The following PPARGC1B variants were observed in gnomAD, a reference collection of about 807,000 sequenced individuals.
The protein encoded by PPARGC1B is PPARG coactivator 1 beta.
Under a neutral mutation model 101.6 loss-of-function variants are expected in PPARGC1B, and 34 were observed. That is an observed-to-expected ratio of 0.33 (90% CI 0.25 to 0.45). The LOEUF is 0.45. Ranked by LOEUF, PPARGC1B falls within the 20% of genes least tolerant of loss-of-function variation. The pLI is 1.00. For synonymous variants in PPARGC1B, 548 were observed against 539.3 expected, an observed-to-expected ratio of 1.02 and a Z score of -0.22; for missense variants, 1,234 against 1,317.6, an observed-to-expected ratio of 0.94 and a Z score of 0.98.
Position 149,853,097 on chromosome 5 carries a change from C to T in PPARGC1B, c.*5539C>T, listed in dbSNP as rs1390659747. 4 of 152,154 alleles carry T rather than the reference C, an allele frequency of 2.6e-5. No homozygotes were observed. Among genetic ancestry groups the T allele is most frequent in the Non-Finnish European group, 5.9e-5 (4 of 68,028 alleles). 9.4% of individuals were successfully genotyped at this position (152,154 alleles called of 1,614,324 possible). On this transcript the variant is annotated 3_prime_UTR_variant, in exon 12 of 12. Coordinates refer to ENST00000309241, the MANE Select transcript of PPARGC1B (RefSeq NM_133263.4). The surrounding 1 kb of genome is among the most constrained non-coding windows in gnomAD (Gnocchi z 4.2). The stretch of plus-strand genomic sequence containing the variant: ...TCAAAGGAGTCTCCAAGGCGGCTTA[C>T]AAAAGCTTCCTTTTTCACTTGACCA...
intron 1 of PPARGC1B, among the ~76,000 whole-genome samples, chr5:149,756,232 C>T (rs888338426): frequency 6.6e-6 from 1 of 152,052 alleles, no homozygotes; most frequent in African/African-American, 2.4e-5. Flanking sequence ...GAGGCCGGGA[C>T]GGGTGGATCA....
chr5:149,828,908 C>T (rs1291574922), intron 3 of PPARGC1B, among the ~76,000 whole-genome samples: 2 of 151,048 alleles, frequency 1.3e-5, no homozygotes, highest in African/African-American at 4.9e-5. Context: ...TAAATTAGCC[C>T]GGTATGGTGG....
intron 9 of PPARGC1B, among the ~76,000 whole-genome samples, chr5:149,840,561 T>G (rs1357609548): frequency 6.6e-6 from 1 of 152,176 alleles, no homozygotes; most frequent in African/African-American, 2.4e-5. Flanking sequence ...GTTGGGCCTG[T>G]GCTTCCCAAG....
chr5:149,733,050 G>A (rs1050421584), intron 1 of PPARGC1B, among the ~76,000 whole-genome samples: 1 of 152,212 alleles, frequency 6.6e-6, no homozygotes, highest in African/African-American at 2.4e-5. Context: ...CATGTGAGAT[G>A]TTCTGGTTGT....
chr5:149,837,081 C>T lies in PPARGC1B; in HGVS notation c.2618+8C>T, dbSNP rs1206770379. 14 of 1,593,612 alleles carry T rather than the reference C, an allele frequency of 8.8e-6. No individual in the cohort carries two copies. The Admixed American group carries it at 1.2e-4, about 14-fold the overall frequency. On this transcript the variant is annotated splice_region_variant and intron_variant, in intron 8 of 11. Coordinates refer to ENST00000309241, the MANE Select transcript of PPARGC1B (RefSeq NM_133263.4). This position sits in a 1 kb window ranked among gnomAD's most constrained non-coding sequence, Gnocchi z 4.2. ...CACTCGAAGGAACTTCAGGTATGAA[C>T]AGGGGGCTGCAGGAGAGGCAGCGGG...
At chr5:149,855,819 T>C (rs980634191), downstream of PPARGC1B, among the ~76,000 whole-genome samples, 1 of 152,138 alleles carries the variant, frequency 6.6e-6, no homozygotes, top group Admixed American at 6.6e-5. Flanking sequence ...AAGAGAATTA[T>C]ATATAAACAA....
intron 1 of PPARGC1B, among the ~76,000 whole-genome samples, chr5:149,756,313 G>C (rs1755518684): frequency 6.6e-6 from 1 of 152,054 alleles, no homozygotes; most frequent in South Asian, 2.1e-4. Flanking sequence ...TTAGCCAGGT[G>C]TGGTGGCAGG....
intron 1 of PPARGC1B, among the ~76,000 whole-genome samples, chr5:149,770,670 CAAA>C (rs112574216): frequency 7.1e-6 from 1 of 141,454 alleles, no homozygotes; most frequent in African/African-American, 2.6e-5. Context: ...CTGTCTCTAC[CAAA>C]AAAAAAAAAA....
rs535917145 is a variant in PPARGC1B at position 149,813,768 on chromosome 5, C to T, written c.79-6665C>T. On this transcript the variant is annotated intron_variant, in intron 1 of 11. Coordinates refer to ENST00000309241, the MANE Select transcript of PPARGC1B (RefSeq NM_133263.4). ...CATAAACTGGGTGGCTTATACACAA[C>T]AGAACTTTATTTCTCACAGTTCTGG... Among the ~76,000 whole-genome samples the T allele has an allele frequency of 1.4e-4, 21 of 152,316 alleles. 1 individual carries two copies. The highest frequency in any genetic ancestry group is 5.1e-4 in the African/African-American group (21 of 41,564).
At chr5:149,741,047 C>T (rs113927651) in intron 1 of PPARGC1B, among the ~76,000 whole-genome samples, 17 of 152,242 alleles carry the variant, frequency 1.1e-4, no homozygotes, top group African/African-American at 3.6e-4. Flanking sequence ...TCTGCTTGGC[C>T]GGGCTGGCTC....
rs147264381 is a variant in PPARGC1B, at chr5:149,840,059, G to A, written c.2637G>A (p.Pro879=). The change falls in exon 9 of 12, where the codon CCG becomes CCA. Residue 879 remains proline, a synonymous_variant. Transcript: ENST00000309241. ...CTGACAGATGTGAGAGCAGAGGGCC[G>A]TGTTCAGACAGAACGCCAAGCATCC... The part of the protein sequence containing the change: ...RRNFRCESRG[P]CSDRTPSIRH... 1.2e-4 allele frequency: 187 copies of A among 1,614,000 alleles called. No homozygotes were observed. Among genetic ancestry groups the A allele is most frequent in the Non-Finnish European group, 1.4e-4 (170 of 1,180,010 alleles).
intron 2 of PPARGC1B, among the ~76,000 whole-genome samples, chr5:149,826,403 G>GA (rs527490712): frequency 1.2e-3 from 185 of 152,298 alleles, no homozygotes; most frequent in Non-Finnish European, 1.8e-3. Flanking sequence ...CCCAGAGTGG[G>GA]ACTCCCAGGC....
chr5:149,848,132 C>T lies in PPARGC1B; in HGVS notation c.*574C>T, dbSNP rs1337890163. ...TGCCCTGCTCCCCTTGCCAGATTGC[C>T]CTGGAGGTGCTGGGTGGCCGCTAGG... On this transcript the variant is annotated 3_prime_UTR_variant, in exon 12 of 12. Coordinates refer to ENST00000309241, the MANE Select transcript of PPARGC1B (RefSeq NM_133263.4). The T allele has an allele frequency of 6.5e-6, 1 of 153,458 alleles. No individual in the cohort carries two copies. Among genetic ancestry groups the T allele is most frequent in the Non-Finnish European group, 1.5e-5 (1 of 68,946 alleles). 9.5% of individuals were successfully genotyped at this position (153,458 alleles called of 1,614,324 possible).
At chr5:149,732,152 G>T (rs1754518609) in intron 1 of PPARGC1B, among the ~76,000 whole-genome samples, 1 of 152,052 alleles carries the variant, frequency 6.6e-6, no homozygotes, top group Admixed American at 6.5e-5. Flanking sequence ...GTCGTCGCCG[G>T]GCTCCGTCAC....
chr5:149,785,739 C>G (rs1006906031), intron 1 of PPARGC1B, among the ~76,000 whole-genome samples: 1 of 152,066 alleles, frequency 6.6e-6, no homozygotes, highest in African/African-American at 2.4e-5. Context: ...TGTAGGTTAG[C>G]GTTGTGACTG....
chr5:149,845,469 C>T (rs778248485), intron 10 of PPARGC1B, among the ~76,000 whole-genome samples: 26 of 152,324 alleles, frequency 1.7e-4, no homozygotes, highest in Admixed American at 4.6e-4. Flanking sequence ...GAACCTCTTT[C>T]CTCATCTGCA....
rs1434634413 is a variant in PPARGC1B at position 149,851,868 on chromosome 5, C to T, written c.*4310C>T. ...GGCTACAAGACACCCAGGAAGTAGG[C>T]AAAGGCTGACTTTGCATTAAACAAT... On this transcript the variant is annotated 3_prime_UTR_variant, in exon 12 of 12. Coordinates refer to ENST00000309241, the MANE Select transcript of PPARGC1B (RefSeq NM_133263.4). 6.6e-6 allele frequency: 1 copy of T among 152,266 alleles called. No homozygotes were observed. The highest frequency in any genetic ancestry group is 1.9e-4 in the East Asian group (1 of 5,206). The allele number at this position is 152,266 out of a possible 1,614,324, so 9.4% of individuals were successfully genotyped here. A position where few individuals can be genotyped will look rare whatever the true frequency, so the allele number is the denominator to read the frequency against.
intron 1 of PPARGC1B, among the ~76,000 whole-genome samples, chr5:149,766,394 A>G (rs1464838483): frequency 1.3e-5 from 2 of 152,194 alleles, no homozygotes; most frequent in Non-Finnish European, 2.9e-5. Flanking sequence ...AGACAGCTTG[A>G]CTAGCACTTT....
At chr5:149,803,229 A>G (rs1204139809) in intron 1 of PPARGC1B, among the ~76,000 whole-genome samples, 1 of 152,116 alleles carries the variant, frequency 6.6e-6, no homozygotes, top group East Asian at 1.9e-4. Context: ...GTGACTCCCC[A>G]TCCAGTGTTC....
Sources: allele counts gnomAD v4.1 joint callset (sites outside exome capture counted in the v4.1 genomes callset), GRCh38; gene constraint gnomAD v4.1.1; non-coding constraint Gnocchi (gnomAD v3.1); transcripts MANE v1.5; gene names NCBI Gene and HGNC (gene_info 2026-07-23, HGNC 2026-07-21).